The following NTM variants were observed in gnomAD, a reference collection of about 807,000 sequenced individuals.
NTM encodes IgLON family member 2.
In NTM, 13 loss-of-function variants were observed where a neutral mutation model predicts 42.1. That is an observed-to-expected ratio of 0.31 (90% CI 0.20 to 0.49). The LOEUF (loss-of-function observed/expected upper bound fraction) is 0.49. NTM is among the 20% of genes least tolerant of loss of function. The pLI is 0.99. For missense variants in NTM, 373 were observed against 452.8 expected (o/e 0.82, Z 1.60); for synonymous variants, 187 against 179.2 (o/e 1.04, Z -0.35).
chr11:132,153,522 T>C (rs1161663012), intron 3 of NTM, among the ~76,000 whole-genome samples: 1 of 152,102 alleles, frequency 6.6e-6, no homozygotes, highest in East Asian at 1.9e-4. Flanking sequence ...CCATACAGAG[T>C]GTGTGATACA....
intron 1 of NTM, among the ~76,000 whole-genome samples, chr11:131,757,868 A>G (rs1327789787): frequency 6.6e-6 from 1 of 152,202 alleles, no homozygotes; most frequent in Non-Finnish European, 1.5e-5. Context: ...CCAACATTAG[A>G]ATGCAAAGAA....
chr11:131,409,275 T>C (rs1946122144), intron 1 of NTM, among the ~76,000 whole-genome samples: 1 of 152,146 alleles, frequency 6.6e-6, no homozygotes, highest in Non-Finnish European at 1.5e-5. Context: ...ATAATGGAGA[T>C]TGAGAATGGA....
intron 1 of NTM, among the ~76,000 whole-genome samples, chr11:131,791,886 C>A (rs1164530163): frequency 6.6e-6 from 1 of 152,178 alleles, no homozygotes; most frequent in Non-Finnish European, 1.5e-5. Context: ...CTCATTGAGA[C>A]TCAGGTTACT....
chr11:131,414,252 G>A (rs1946719059), intron 1 of NTM, among the ~76,000 whole-genome samples: 1 of 152,192 alleles, frequency 6.6e-6, no homozygotes, highest in African/African-American at 2.4e-5. Flanking sequence ...GCAAACCCAT[G>A]TCCTGGGGGC....
intron 1 of NTM, among the ~76,000 whole-genome samples, chr11:131,901,035 T>C (rs1302080144): frequency 2.6e-5 from 4 of 152,244 alleles, no homozygotes; most frequent in African/African-American, 9.6e-5. Flanking sequence ...CCAAGATTAC[T>C]TTCCTGGGTT....
intron 1 of NTM, among the ~76,000 whole-genome samples, chr11:131,410,618 T>C (rs1946301780): frequency 6.6e-6 from 1 of 152,092 alleles, no homozygotes; most frequent in South Asian, 2.1e-4. Context: ...CTTCCCTGAT[T>C]TCTTGCGTCA....
At chr11:131,532,074 T>C (rs1591958656) in intron 1 of NTM, among the ~76,000 whole-genome samples, 1 of 152,294 alleles carries the variant, frequency 6.6e-6, no homozygotes, top group South Asian at 2.1e-4. Flanking sequence ...TGTAGTAAAA[T>C]ATACATAACA....
chr11:131,673,170 TGTGA>T (rs1235473384), intron 1 of NTM, among the ~76,000 whole-genome samples: 1 of 152,028 alleles, frequency 6.6e-6, no homozygotes, highest in Non-Finnish European at 1.5e-5. Context: ...GGTGGTAAAT[TGTGA>T]GTACAACAAT....
intron 1 of NTM, among the ~76,000 whole-genome samples, chr11:131,592,816 C>A (rs1565677470): frequency 6.6e-6 from 1 of 152,152 alleles, no homozygotes; most frequent in Non-Finnish European, 1.5e-5. Context: ...CCCCCAGGTC[C>A]CCTCTCCCTG....
At chr11:131,698,373 C>A (rs1235195340) in intron 1 of NTM, among the ~76,000 whole-genome samples, 1 of 152,150 alleles carries the variant, frequency 6.6e-6, no homozygotes, top group African/African-American at 2.4e-5. Flanking sequence ...CTCTTGCAAT[C>A]ATAATCATCA....
intron 1 of NTM, among the ~76,000 whole-genome samples, chr11:131,901,215 T>C (rs1020529505): frequency 2.6e-5 from 4 of 152,204 alleles, no homozygotes; most frequent in Admixed American, 2.0e-4. Flanking sequence ...TGAGAACATT[T>C]TCCAAGGTCA....
chr11:132,164,541 C>T (rs1454372378), intron 3 of NTM, among the ~76,000 whole-genome samples: 1 of 152,174 alleles, frequency 6.6e-6, no homozygotes, highest in Non-Finnish European at 1.5e-5. Context: ...TATGTAAATG[C>T]ACTCTGCACA....
intron 2 of NTM, among the ~76,000 whole-genome samples, chr11:132,115,548 A>G (rs890026971): frequency 6.6e-6 from 1 of 152,190 alleles, no homozygotes; most frequent in Non-Finnish European, 1.5e-5. Flanking sequence ...TCAGGAACAC[A>G]CAAACTTCCA....
rs372535669 is a variant in NTM, at chr11:131,911,708, G to A, written c.167+60G>A. The A allele has an allele frequency of 3.7e-6, 6 of 1,605,442 alleles. No homozygotes were observed. The African/African-American group carries it at 6.7e-5, about 18-fold the overall frequency. ...TTGTATGGGGTCGGGGTAAGGGGCA[G>A]GGGTGCAGGTGTGTGCACTGAGGCG... On this transcript the variant is annotated intron_variant, in intron 2 of 8. Transcript: ENST00000683400.
chr11:131,805,295 C>T (rs2092418038), intron 1 of NTM, among the ~76,000 whole-genome samples: 1 of 152,122 alleles, frequency 6.6e-6, no homozygotes, highest in African/African-American at 2.4e-5. Context: ...CTGGTACTTC[C>T]TTCCCACAGA....
At chr11:132,334,879 G>A (rs745318929) in intron 8 of NTM, 167 bp from the exon 9 acceptor site, 14 of 656,516 alleles carry the variant, frequency 2.1e-5, no homozygotes, top group Non-Finnish European at 7.5e-6. Context: ...TCTTGGGGAT[G>A]TGGGCCATAG....
intron 4 of NTM, among the ~76,000 whole-genome samples, chr11:132,269,257 A>G (rs896697621): frequency 6.6e-6 from 1 of 151,782 alleles, no homozygotes; most frequent in Non-Finnish European, 1.5e-5. Flanking sequence ...AGAGATCTGG[A>G]GAGAAGGACA....
Position 131,817,503 on chromosome 11 carries a change from G to A in NTM, c.83-94061G>A, listed in dbSNP as rs141179160. On this transcript the variant is annotated intron_variant, in intron 1 of 8. Coordinates refer to ENST00000683400, the MANE Select transcript of NTM (RefSeq NM_001352005.2). ...CTAGAAGTAGCTTTGACTTACAACT[G>A]GGCACCTCAGGGGCTCCTCTCCCAG... Among the ~76,000 whole-genome samples the A allele has an allele frequency of 9.1e-4, 138 of 152,200 alleles. 3 individuals are homozygous for A. The East Asian group carries it at 0.019, about 21-fold the overall frequency.
At chr11:132,161,983 C>A (rs143394396) in intron 3 of NTM, among the ~76,000 whole-genome samples, 1 of 152,214 alleles carries the variant, frequency 6.6e-6, no homozygotes. Context: ...CCACATCCAA[C>A]CCCGGTTGAA....
Sources: gnomAD v4.1 joint callset for allele counts (sites outside exome capture counted in the v4.1 genomes callset) on GRCh38, gnomAD v4.1.1 for gene constraint, MANE v1.5 for transcripts, NCBI Gene and HGNC (gene_info 2026-07-23, HGNC 2026-07-21) for gene names.